The following PLA2R1 variants were observed in gnomAD, a reference collection of about 807,000 sequenced individuals.
PLA2R1 encodes phospholipase A2 receptor 1.
In PLA2R1, 158 loss-of-function variants were observed where a neutral mutation model predicts 195.9. That is an observed-to-expected ratio of 0.81 (90% CI 0.71 to 0.92). The LOEUF (loss-of-function observed/expected upper bound fraction) is 0.92. Ranked by LOEUF, PLA2R1 falls within the 40% of genes least tolerant of loss-of-function variation. The pLI, the probability that PLA2R1 is intolerant of heterozygous loss-of-function variation, is 0.00. For synonymous variants in PLA2R1, 586 were observed against 598.2 expected, an observed-to-expected ratio of 0.98 and a Z score of 0.30; for missense variants, 1,626 against 1,764.6, an observed-to-expected ratio of 0.92 and a Z score of 1.41.
chr2:160,061,099 A>T (rs75751099), intron 1 of PLA2R1, among the ~76,000 whole-genome samples: 46 of 152,240 alleles, frequency 3.0e-4, no homozygotes, highest in Non-Finnish European at 5.9e-4. Flanking sequence ...GGAGGAAAAA[A>T]TGTGAACGCA....
At chr2:160,011,519 T>C (rs1425864334) in intron 10 of PLA2R1, among the ~76,000 whole-genome samples, 1 of 152,104 alleles carries the variant, frequency 6.6e-6, no homozygotes, top group Non-Finnish European at 1.5e-5. Flanking sequence ...AGATAACATA[T>C]GAAAAATAAT....
At chr2:160,045,709 A>G (rs1458661280) in intron 1 of PLA2R1, among the ~76,000 whole-genome samples, 1 of 152,242 alleles carries the variant, frequency 6.6e-6, no homozygotes, top group Non-Finnish European at 1.5e-5. Flanking sequence ...GTCAGAATAC[A>G]ATGTTTCTCA....
intron 24 of PLA2R1, among the ~76,000 whole-genome samples, chr2:159,950,907 G>A (rs544697576): frequency 6.6e-6 from 1 of 152,116 alleles, no homozygotes; most frequent in Non-Finnish European, 1.5e-5. Flanking sequence ...AAAACCTCAA[G>A]TGCTTAATTA....
At chr2:159,977,677 C>CA (rs1689667972) in intron 14 of PLA2R1, among the ~76,000 whole-genome samples, 1 of 152,158 alleles carries the variant, frequency 6.6e-6, no homozygotes, top group Non-Finnish European at 1.5e-5. Context: ...GTGGCTCATG[C>CA]CTGTAATCCC....
rs1686941582 is a variant in PLA2R1 at position 159,938,653 on chromosome 2, T to A, written c.*3125A>T. 6.6e-6 allele frequency: 1 copy of A among 152,200 alleles called. No homozygotes were observed. The highest frequency in any genetic ancestry group is 1.5e-5 in the Non-Finnish European group (1 of 68,136). 9.4% of individuals were successfully genotyped at this position (152,200 alleles called of 1,614,324 possible). On this transcript the variant is annotated 3_prime_UTR_variant, in exon 30 of 30. Coordinates refer to ENST00000283243, the MANE Select transcript of PLA2R1 (RefSeq NM_007366.5). ...GACTTCACAGCAGATGCCAGCAGAA[T>A]TCCCAGGAGTGAGGCCAGACAGCTA... is the stretch of plus-strand genomic sequence containing the variant.
At chr2:159,959,636 C>T (rs1166357249) in intron 20 of PLA2R1, among the ~76,000 whole-genome samples, 1 of 152,122 alleles carries the variant, frequency 6.6e-6, no homozygotes, top group Non-Finnish European at 1.5e-5. Context: ...TCATTTCTAG[C>T]TCAATATTTG....
chr2:160,048,372 C>T (rs772179379), intron 1 of PLA2R1, among the ~76,000 whole-genome samples: 6 of 152,176 alleles, frequency 3.9e-5, no homozygotes, highest in Non-Finnish European at 8.8e-5. Context: ...AGCTCTGGTT[C>T]ACCAATAATA....
At chr2:160,048,149 T>G (rs1694998153) in intron 1 of PLA2R1, among the ~76,000 whole-genome samples, 1 of 152,186 alleles carries the variant, frequency 6.6e-6, no homozygotes, top group South Asian at 2.1e-4. Flanking sequence ...GCTTTTAAAC[T>G]TCCAAATTAA....
chr2:160,040,572 G>A (rs192680252), intron 3 of PLA2R1, among the ~76,000 whole-genome samples: 92 of 152,286 alleles, frequency 6.0e-4, no homozygotes, highest in Middle Eastern at 3.4e-3. Flanking sequence ...TGCATCTCTG[G>A]AAGATGGGCC....
chr2:160,055,747 C>T (rs1367097711), intron 1 of PLA2R1, among the ~76,000 whole-genome samples: 1 of 152,104 alleles, frequency 6.6e-6, no homozygotes, highest in Non-Finnish European at 1.5e-5. Context: ...TTAATGTTGC[C>T]TACCTGTTTT....
intron 12 of PLA2R1, among the ~76,000 whole-genome samples, chr2:159,985,080 T>C (rs1690233207): frequency 6.6e-6 from 1 of 152,176 alleles, no homozygotes; most frequent in Non-Finnish European, 1.5e-5. Context: ...TGATATATAG[T>C]AGAAAAGGCA....
At chr2:160,011,192 C>A (rs954781030) in intron 10 of PLA2R1, among the ~76,000 whole-genome samples, 4 of 152,140 alleles carry the variant, frequency 2.6e-5, no homozygotes, top group African/African-American at 4.8e-5. Context: ...TGTATGAGGT[C>A]CCCAAAGGGT....
At chr2:160,060,362 G>C (rs35092891) in intron 1 of PLA2R1, among the ~76,000 whole-genome samples, 4 of 152,128 alleles carry the variant, frequency 2.6e-5, no homozygotes, top group African/African-American at 9.7e-5. Flanking sequence ...CAATGTCTCA[G>C]GTTCTTTTCA....
At chr2:160,062,229 C>T in intron 1 of PLA2R1, 66 bp downstream of exon 1, 6 of 1,253,896 alleles carry the variant, frequency 4.8e-6, no homozygotes, top group Non-Finnish European at 6.4e-6. Context: ...CCTTCTTCCT[C>T]TCCTTCGACC....
chr2:159,970,448 A>G (rs1307439241), intron 17 of PLA2R1, among the ~76,000 whole-genome samples: 1 of 152,232 alleles, frequency 6.6e-6, no homozygotes, highest in Non-Finnish European at 1.5e-5. Context: ...AGTTTCATAC[A>G]ACTTGAAAAG....
intron 18 of PLA2R1, among the ~76,000 whole-genome samples, chr2:159,969,702 C>A (rs1458243627): frequency 6.6e-6 from 1 of 152,042 alleles, no homozygotes; most frequent in Non-Finnish European, 1.5e-5. Flanking sequence ...ACCACCACGC[C>A]CAGCTAATTT....
chr2:159,971,469 T>C (rs947123667), intron 17 of PLA2R1, among the ~76,000 whole-genome samples: 9 of 131,570 alleles, frequency 6.8e-5, no homozygotes, highest in South Asian at 4.3e-4. Flanking sequence ...CACACGTGTG[T>C]GCGCGCACAC....
intron 20 of PLA2R1, among the ~76,000 whole-genome samples, chr2:159,960,763 T>C (rs1688386290): frequency 1.3e-5 from 2 of 152,196 alleles, no homozygotes; most frequent in African/African-American, 4.8e-5. Flanking sequence ...TTATGAGACA[T>C]TAGAAAAGAT....
chr2:159,967,884 T>C (rs535966939), intron 19 of PLA2R1, among the ~76,000 whole-genome samples: 1 of 152,078 alleles, frequency 6.6e-6, no homozygotes, highest in East Asian at 2.0e-4. Context: ...AATTTAAGAA[T>C]GTAAAAATTT....
Sources: allele counts gnomAD v4.1 joint callset (sites outside exome capture counted in the v4.1 genomes callset), GRCh38; gene constraint gnomAD v4.1.1; transcripts MANE v1.5; gene names NCBI Gene and HGNC (gene_info 2026-07-23, HGNC 2026-07-21).